EXT1: variants seen among roughly 807,000 people sequenced by gnomAD.
The protein encoded by EXT1 is exostosin glycosyltransferase 1.
In EXT1, 20 loss-of-function variants were observed where a neutral mutation model predicts 82.5. The ratio of observed to expected loss-of-function variants is 0.24; its 90% CI spans 0.17 to 0.35. The LOEUF is 0.35. EXT1 is among the 10% of genes least tolerant of loss of function. EXT1 has a pLI of 1.00. For synonymous variants in EXT1, 348 were observed against 350.8 expected (o/e 0.99, Z 0.09); for missense variants, 757 against 936.5 (o/e 0.81, Z 2.50).
At chr8:117,810,818 G>A (rs536038148) in intron 8 of EXT1, among the ~76,000 whole-genome samples, 1 of 152,286 alleles carries the variant, frequency 6.6e-6, no homozygotes, top group African/African-American at 2.4e-5. Context: ...GGTTGGGTTA[G>A]GTCAATGGGA....
chr8:117,961,788 ACT>A (rs1284939930), intron 1 of EXT1, among the ~76,000 whole-genome samples: 10 of 152,094 alleles, frequency 6.6e-5, no homozygotes, highest in Non-Finnish European at 1.3e-4. Flanking sequence ...CACAGAACAA[ACT>A]CTTAATGGCG....
At chr8:117,985,955 G>A (rs1294200906) in intron 1 of EXT1, among the ~76,000 whole-genome samples, 1 of 152,086 alleles carries the variant, frequency 6.6e-6, no homozygotes, top group African/African-American at 2.4e-5. Context: ...ATAATTTGAT[G>A]CTGTATTCTT....
intron 1 of EXT1, among the ~76,000 whole-genome samples, chr8:118,103,693 A>C (rs75274583): frequency 0.02 from 3,018 of 152,266 alleles, 98 homozygotes; most frequent in African/African-American, 0.068. Flanking sequence ...GGATGCTATC[A>C]GTAGGGGAAA....
chr8:117,870,269 G>T (rs1812845911), intron 1 of EXT1, among the ~76,000 whole-genome samples: 1 of 152,202 alleles, frequency 6.6e-6, no homozygotes, highest in South Asian at 2.1e-4. Flanking sequence ...ATGCTCAGTG[G>T]CATTAAAACA....
intron 1 of EXT1, among the ~76,000 whole-genome samples, chr8:118,065,995 G>C (rs922330241): frequency 2.0e-5 from 3 of 152,186 alleles, no homozygotes; most frequent in Admixed American, 6.5e-5. Flanking sequence ...GGCCATTCCA[G>C]TTCCAATAAG....
intron 1 of EXT1, among the ~76,000 whole-genome samples, chr8:118,040,395 A>T (rs1415966252): frequency 1.3e-5 from 2 of 152,128 alleles, no homozygotes; most frequent in Admixed American, 1.3e-4. Context: ...ATTATTTTGA[A>T]CATGTTTCAC....
chr8:117,908,241 C>T (rs1175675265), intron 1 of EXT1, among the ~76,000 whole-genome samples: 1 of 152,192 alleles, frequency 6.6e-6, no homozygotes, highest in Non-Finnish European at 1.5e-5. Context: ...CCCAAAACTG[C>T]ATTTACAAAG....
intron 1 of EXT1, among the ~76,000 whole-genome samples, chr8:118,043,933 A>G (rs1485660419): frequency 6.6e-6 from 1 of 152,200 alleles, no homozygotes; most frequent in Non-Finnish European, 1.5e-5. Flanking sequence ...GGCCACGTGG[A>G]GCTTTCCATG....
chr8:117,958,872 A>G (rs1814640288), intron 1 of EXT1, among the ~76,000 whole-genome samples: 1 of 152,148 alleles, frequency 6.6e-6, no homozygotes, highest in Non-Finnish European at 1.5e-5. Context: ...TTCTCTCACA[A>G]TTCTTGCACT....
At chr8:117,991,654 C>G (rs148377383) in intron 1 of EXT1, among the ~76,000 whole-genome samples, 1 of 152,122 alleles carries the variant, frequency 6.6e-6, no homozygotes, top group African/African-American at 2.4e-5. Context: ...CTCCACCTCC[C>G]GGGCTCAAGT....
At chr8:117,854,651 A>G (rs1442484291) in intron 1 of EXT1, among the ~76,000 whole-genome samples, 2 of 152,394 alleles carry the variant, frequency 1.3e-5, no homozygotes, top group South Asian at 4.1e-4. Flanking sequence ...ATGATATAAC[A>G]GCCACACTGT....
intron 1 of EXT1, among the ~76,000 whole-genome samples, chr8:117,966,494 T>C (rs550185504): frequency 5.9e-5 from 9 of 152,174 alleles, no homozygotes; most frequent in South Asian, 2.1e-4. Context: ...TTAAGTAACA[T>C]GGAGGAGGTC....
chr8:117,968,187 C>G (rs1814861552), intron 1 of EXT1, among the ~76,000 whole-genome samples: 1 of 152,092 alleles, frequency 6.6e-6, no homozygotes, highest in Non-Finnish European at 1.5e-5. Context: ...CTGACTGTGG[C>G]CTCCATCTCG....
chr8:117,958,151 G>A (rs947577064), intron 1 of EXT1, among the ~76,000 whole-genome samples: 1 of 151,828 alleles, frequency 6.6e-6, no homozygotes, highest in Non-Finnish European at 1.5e-5. Context: ...CTCTTCAAAG[G>A]TTTAGAAACT....
intron 1 of EXT1, among the ~76,000 whole-genome samples, chr8:118,038,057 C>T (rs567594065): frequency 8.6e-5 from 13 of 152,042 alleles, no homozygotes; most frequent in Non-Finnish European, 1.8e-4. Flanking sequence ...AACTCCTGAC[C>T]ACAGGTGATT....
chr8:118,036,596 G>A (rs1212149110), intron 1 of EXT1, among the ~76,000 whole-genome samples: 1 of 151,894 alleles, frequency 6.6e-6, no homozygotes, highest in Non-Finnish European at 1.5e-5. Context: ...TCCCTTTGGG[G>A]GTCATTTATT....
chr8:118,102,686 T>C (rs942889434), intron 1 of EXT1, among the ~76,000 whole-genome samples: 2 of 152,182 alleles, frequency 1.3e-5, no homozygotes, highest in Admixed American at 6.5e-5. Context: ...CATAAACATA[T>C]AGGTATATAT....
chr8:117,928,548 T>TA (rs1444440046), intron 1 of EXT1, among the ~76,000 whole-genome samples: 1 of 152,160 alleles, frequency 6.6e-6, no homozygotes, highest in Non-Finnish European at 1.5e-5. Context: ...GCTGTTCTGA[T>TA]AAAAATACTA....
At chr8:117,887,875 C>G (rs1180952875) in intron 1 of EXT1, among the ~76,000 whole-genome samples, 1 of 151,664 alleles carries the variant, frequency 6.6e-6, no homozygotes, top group East Asian at 1.9e-4. Flanking sequence ...CACCTGAGCT[C>G]GGGAGTTTGA....
Sources: allele counts gnomAD v4.1 joint callset (sites outside exome capture counted in the v4.1 genomes callset), GRCh38; gene constraint gnomAD v4.1.1; transcripts MANE v1.5; gene names NCBI Gene and HGNC (gene_info 2026-07-23, HGNC 2026-07-21).